Variants in MAGI3 observed in about 807,000 individuals in gnomAD.
MAGI3 encodes the protein membrane associated guanylate kinase, WW and PDZ domain containing 3.
MAGI3 carries 43 observed loss-of-function variants against 121.8 expected under a neutral mutation model. The ratio of observed to expected loss-of-function variants is 0.35; its 90% CI spans 0.28 to 0.46. MAGI3 has a LOEUF of 0.46. MAGI3 is among the 20% of genes least tolerant of loss of function. The probability of loss-of-function intolerance (pLI) is 1.00; values close to 1 mark genes in which losing one functional copy is unlikely to be tolerated. For missense variants in MAGI3, 1,547 were observed against 1,797.3 expected, an observed-to-expected ratio of 0.86 and a Z score of 2.52; for synonymous variants, 553 against 639.3, an observed-to-expected ratio of 0.86 and a Z score of 2.04.
At chr1:113,554,622 G>T (rs1000772722) in intron 2 of MAGI3, among the ~76,000 whole-genome samples, 5 of 151,916 alleles carry the variant, frequency 3.3e-5, no homozygotes, top group African/African-American at 1.2e-4. Flanking sequence ...AGGCAGAACA[G>T]GACTATGATG....
chr1:113,633,571 T>C (rs1395247387), intron 9 of MAGI3, among the ~76,000 whole-genome samples: 2 of 152,158 alleles, frequency 1.3e-5, no homozygotes, highest in African/African-American at 2.4e-5. Flanking sequence ...GAACTCATCA[T>C]TTTTTATGGC....
At chr1:113,476,741 T>C (rs964797066) in intron 1 of MAGI3, among the ~76,000 whole-genome samples, 1 of 152,146 alleles carries the variant, frequency 6.6e-6, no homozygotes, top group African/African-American at 2.4e-5. Context: ...ATTAGGTCTG[T>C]TTGTTGCAGA....
intron 1 of MAGI3, among the ~76,000 whole-genome samples, chr1:113,517,591 AG>A (rs1657991498): frequency 1.3e-5 from 2 of 151,782 alleles, no homozygotes; most frequent in South Asian, 4.2e-4. Flanking sequence ...AGTGTCCTTG[AG>A]GGTTTTATAT....
intron 1 of MAGI3, among the ~76,000 whole-genome samples, chr1:113,547,706 C>T (rs540241873): frequency 2.4e-4 from 36 of 151,882 alleles, no homozygotes; most frequent in African/African-American, 4.6e-4. Flanking sequence ...TTATTCTATC[C>T]GGTGATGAAT....
At chr1:113,656,799 C>G (rs1653498776) in intron 15 of MAGI3, among the ~76,000 whole-genome samples, 1 of 152,060 alleles carries the variant, frequency 6.6e-6, no homozygotes, top group Admixed American at 6.6e-5. Flanking sequence ...TCTGTGGTAC[C>G]AGTTATGGAA....
Position 113,653,894 on chromosome 1 carries a change from G to A in MAGI3, c.2505G>A (p.Leu835=). 6.2e-7 allele frequency: 1 copy of A among 1,613,988 alleles called. No homozygotes were observed. The highest frequency in any genetic ancestry group is 2.2e-5 in the East Asian group (1 of 44,870). ...CAACACAGAATGGATCTCCCCGCCT[G>A]AACCGGGCAGAGGTCCCAGCCAGGC... ...FISTQNGSPR[L]NRAEVPARPA... The change falls in exon 15 of 21, where the codon CTG becomes CTA. Residue 835 remains leucine (L), a synonymous_variant. Transcript: ENST00000307546.
chr1:113,529,019 T>C (rs543251581), intron 1 of MAGI3, among the ~76,000 whole-genome samples: 33 of 152,200 alleles, frequency 2.2e-4, no homozygotes, highest in Non-Finnish European at 4.6e-4. Context: ...TATTTAGATC[T>C]TATATTTAGT....
intron 9 of MAGI3, among the ~76,000 whole-genome samples, chr1:113,637,621 C>T (rs1273144405): frequency 6.6e-6 from 1 of 151,806 alleles, no homozygotes; most frequent in African/African-American, 2.4e-5. Flanking sequence ...ATGGGCTTCC[C>T]TTTGTGGGTA....
Position 113,526,324 on chromosome 1 carries a change from G to C in MAGI3, c.317-23191G>C, listed in dbSNP as rs12402862. Among the ~76,000 whole-genome samples the C allele has an allele frequency of 8.3e-3, 1,270 of 152,286 alleles. 15 individuals are homozygous for C. Among genetic ancestry groups the C allele is most frequent in the Middle Eastern group, 0.048 (14 of 294 alleles). On this transcript the variant is annotated intron_variant, in intron 1 of 20. Coordinates refer to ENST00000307546, the MANE Select transcript of MAGI3 (RefSeq NM_001142782.2). ...AAGGGCAGCTAACTTAGAACTGGGAGATTAGAGAGACCTCTCCAAAGATAT... is the reference window on the plus strand; with the variant it reads ...AAGGGCAGCTAACTTAGAACTGGGACATTAGAGAGACCTCTCCAAAGATAT...
chr1:113,678,054 TTTAAAG>T (rs1647984462), intron 19 of MAGI3, among the ~76,000 whole-genome samples: 2 of 152,080 alleles, frequency 1.3e-5, no homozygotes, highest in African/African-American at 2.4e-5. Flanking sequence ...CTCATTCAGT[TTTAAAG>T]TTAAACAGAA....
intron 1 of MAGI3, among the ~76,000 whole-genome samples, chr1:113,459,072 T>G (rs1399697870): frequency 6.6e-6 from 1 of 152,204 alleles, no homozygotes; most frequent in East Asian, 1.9e-4. Flanking sequence ...ATATAAATAC[T>G]GATTTCCAGA....
intron 11 of MAGI3, 142 bp downstream of exon 11, chr1:113,643,916 T>C (rs1652690173): frequency 2.2e-6 from 2 of 890,798 alleles, no homozygotes; most frequent in African/African-American, 3.4e-5. Flanking sequence ...TTGTATTTAT[T>C]AGAAACTAGG....
At chr1:113,504,394 G>A (rs1657205996) in intron 1 of MAGI3, among the ~76,000 whole-genome samples, 1 of 152,036 alleles carries the variant, frequency 6.6e-6, no homozygotes, top group South Asian at 2.1e-4. Flanking sequence ...TGGATAATGG[G>A]CAAAGGATAT....
intron 16 of MAGI3, among the ~76,000 whole-genome samples, chr1:113,660,395 G>C (rs868167411): frequency 4.0e-4 from 61 of 151,912 alleles, no homozygotes; most frequent in Admixed American, 4.6e-4. Flanking sequence ...TTTGCTCTCA[G>C]CCTTTTAAAT....
chr1:113,416,028 G>GTAATTAATT (rs1557743668), intron 1 of MAGI3, among the ~76,000 whole-genome samples: 2 of 124,484 alleles, frequency 1.6e-5, no homozygotes, highest in African/African-American at 6.1e-5. Context: ...TGTAATTAAT[G>GTAATTAATT]ACACATATTA....
rs563419072 is a variant in MAGI3, at chr1:113,390,975, C to T, written c.-59C>T. 8.3e-6 allele frequency: 12 copies of T among 1,447,896 alleles called. 1 individual carries two copies. The Admixed American group carries it at 2.8e-4, about 34-fold the overall frequency. The allele number at this position is 1,447,896 out of a possible 1,614,324, so 89.7% of individuals were successfully genotyped here. A position where few individuals can be genotyped will look rare whatever the true frequency, so the allele number is the denominator to read the frequency against. On this transcript the variant is annotated 5_prime_UTR_variant, in exon 1 of 21. Coordinates refer to ENST00000307546, the MANE Select transcript of MAGI3 (RefSeq NM_001142782.2). ...CCAGGGCCCCCGGGCTGAGACGGGGCCGGAGCGGCGCCCCGGCCGCCCGCG... is the reference window on the plus strand; with the variant it reads ...CCAGGGCCCCCGGGCTGAGACGGGGTCGGAGCGGCGCCCCGGCCGCCCGCG...
At chr1:113,432,458 C>T (rs921133509) in intron 1 of MAGI3, among the ~76,000 whole-genome samples, 21 of 151,866 alleles carry the variant, frequency 1.4e-4, no homozygotes, top group Admixed American at 7.9e-4. Flanking sequence ...CTTAAATGTG[C>T]GGAACGAAAC....
At chr1:113,542,524 G>C (rs1278741285) in intron 1 of MAGI3, among the ~76,000 whole-genome samples, 1 of 152,166 alleles carries the variant, frequency 6.6e-6, no homozygotes, top group Non-Finnish European at 1.5e-5. Context: ...ATGTTTCCAC[G>C]TTTGAAATTT....
chr1:113,592,980 C>T (rs557918984), intron 5 of MAGI3, among the ~76,000 whole-genome samples: 1 of 152,266 alleles, frequency 6.6e-6, no homozygotes, highest in African/African-American at 2.4e-5. Flanking sequence ...CCACTGCACT[C>T]CAGCCTCTGT....
Sources: allele counts gnomAD v4.1 joint callset (sites outside exome capture counted in the v4.1 genomes callset), GRCh38; gene constraint gnomAD v4.1.1; transcripts MANE v1.5; gene names NCBI Gene and HGNC (gene_info 2026-07-23, HGNC 2026-07-21).